POLR3B: variants seen among roughly 807,000 people sequenced by gnomAD.
The protein encoded by POLR3B is DNA-directed RNA polymerase III subunit RPC2.
Under a neutral mutation model 147.4 loss-of-function variants are expected in POLR3B, and 96 were observed. That is an observed-to-expected ratio of 0.65 (90% CI 0.55 to 0.77). POLR3B has a LOEUF of 0.77. Ranked by LOEUF, POLR3B falls within the 30% of genes least tolerant of loss-of-function variation. POLR3B has a pLI of 0.00. For synonymous variants in POLR3B, 461 were observed against 485.9 expected, an observed-to-expected ratio of 0.95 and a Z score of 0.67; for missense variants, 1,036 against 1,413.5, an observed-to-expected ratio of 0.73 and a Z score of 4.28.
At chr12:106,444,105 G>A (rs1190621046) in intron 18 of POLR3B, among the ~76,000 whole-genome samples, 1 of 152,200 alleles carries the variant, frequency 6.6e-6, no homozygotes, top group African/African-American at 2.4e-5. Context: ...ACAGGCATGA[G>A]CCACTGTACT....
chr12:106,372,414 T>G (rs1234920228), intron 6 of POLR3B, among the ~76,000 whole-genome samples: 2 of 149,958 alleles, frequency 1.3e-5, no homozygotes, highest in East Asian at 2.0e-4. Context: ...CTCAGCTCAC[T>G]GCAACCTCCG....
intron 1 of POLR3B, among the ~76,000 whole-genome samples, chr12:106,360,894 A>G (rs2036461324): frequency 6.6e-6 from 1 of 152,246 alleles, no homozygotes; most frequent in African/African-American, 2.4e-5. Flanking sequence ...CTGTGATACA[A>G]GTAGGCGAGG....
chr12:106,408,720 G>T (rs924485185), intron 11 of POLR3B, among the ~76,000 whole-genome samples: 1 of 152,120 alleles, frequency 6.6e-6, no homozygotes, highest in Non-Finnish European at 1.5e-5. Context: ...CCACAGGTTA[G>T]TATCCCACAA....
intron 23 of POLR3B, among the ~76,000 whole-genome samples, chr12:106,466,813 A>C (rs547451300): frequency 2.0e-5 from 3 of 151,918 alleles, no homozygotes; most frequent in Non-Finnish European, 4.4e-5. Flanking sequence ...TGGTCTATAT[A>C]TCTGTTTTGG....
In POLR3B at chr12:106,509,645, T is replaced by A; in HGVS notation, c.*96T>A. ...GACTACGTCTCCTCCTGTGAAGAAT[T>A]CCCTTGCGTATTCTCTCTCTAAAAC... is the stretch of plus-strand genomic sequence containing the variant. On this transcript the variant is annotated 3_prime_UTR_variant, in exon 28 of 28. Coordinates refer to ENST00000228347, the MANE Select transcript of POLR3B (RefSeq NM_018082.6). 8.9e-7 allele frequency: 1 copy of A among 1,129,552 alleles called. No individual in the cohort carries two copies. The highest frequency in any genetic ancestry group is 1.3e-6 in the Non-Finnish European group (1 of 765,250). The allele number at this position is 1,129,552 out of a possible 1,614,324, so 70.0% of individuals were successfully genotyped here. A position where few individuals can be genotyped will look rare whatever the true frequency, so the allele number is the denominator to read the frequency against.
chr12:106,366,404 AT>A, intron 2 of POLR3B, 111 bp from the exon 3 acceptor site: 1 of 719,564 alleles, frequency 1.4e-6, no homozygotes, highest in Non-Finnish European at 2.5e-6. Flanking sequence ...TTTGATAAAA[AT>A]TTGATGTTCA....
Position 106,457,663 on chromosome 12 carries a change from C to T in POLR3B, c.2452+367C>T, listed in dbSNP as rs115598453. The stretch of plus-strand genomic sequence containing the variant: ...TTTATCCCCCTGCAAAGGTATGACT[C>T]CATTATAATTACAAACTTGTAATGC... On this transcript the variant is annotated intron_variant, in intron 21 of 27. Transcript: ENST00000228347. Among the ~76,000 whole-genome samples the T allele has an allele frequency of 2.8e-3, 430 of 152,306 alleles. 4 individuals carry two copies. The highest frequency in any genetic ancestry group is 9.8e-3 in the African/African-American group (406 of 41,562).
At chr12:106,461,862 G>A (rs1457528970) in intron 22 of POLR3B, among the ~76,000 whole-genome samples, 1 of 152,034 alleles carries the variant, frequency 6.6e-6, no homozygotes, top group Non-Finnish European at 1.5e-5. Context: ...AACCTCATCT[G>A]GACAAGCTCC....
intron 20 of POLR3B, among the ~76,000 whole-genome samples, chr12:106,456,803 A>G (rs925329570): frequency 6.6e-6 from 1 of 152,070 alleles, no homozygotes; most frequent in African/African-American, 2.4e-5. Context: ...TCCAATTCTA[A>G]TATTCTATGG....
intron 11 of POLR3B, among the ~76,000 whole-genome samples, chr12:106,408,903 G>T (rs552922405): frequency 6.6e-6 from 1 of 152,184 alleles, no homozygotes; most frequent in Non-Finnish European, 1.5e-5. Context: ...TCATTAAAAA[G>T]GGGAGTGAAA....
intron 15 of POLR3B, among the ~76,000 whole-genome samples, chr12:106,433,323 C>T (rs2037534042): frequency 6.6e-6 from 1 of 152,164 alleles, no homozygotes; most frequent in Non-Finnish European, 1.5e-5. Context: ...CAACAAGAAG[C>T]AGTTTAATAA....
At chr12:106,493,635 GTTAA>G (rs2137071083) in intron 23 of POLR3B, among the ~76,000 whole-genome samples, 1 of 152,354 alleles carries the variant, frequency 6.6e-6, no homozygotes, top group Non-Finnish European at 1.5e-5. Context: ...ACCAGAATAA[GTTAA>G]TTATTTACTT....
chr12:106,503,942 C>G (rs900410039), intron 26 of POLR3B, 139 bp from the exon 27 acceptor site: 1 of 775,620 alleles, frequency 1.3e-6, no homozygotes, highest in Non-Finnish European at 2.3e-6. Context: ...AGCAGCGTGT[C>G]CAAGGTCCCT....
chr12:106,420,243 C>T (rs2037357201), intron 12 of POLR3B, among the ~76,000 whole-genome samples: 1 of 152,082 alleles, frequency 6.6e-6, no homozygotes, highest in South Asian at 2.1e-4. Context: ...GGCCACACCT[C>T]TCAATGTTTG....
intron 23 of POLR3B, among the ~76,000 whole-genome samples, chr12:106,469,456 G>A (rs2038056879): frequency 6.6e-6 from 1 of 152,110 alleles, no homozygotes; most frequent in South Asian, 2.1e-4. Flanking sequence ...TACATTTAAG[G>A]TTAATATTGT....
At chr12:106,468,536 G>A (rs1019719104) in intron 23 of POLR3B, among the ~76,000 whole-genome samples, 13 of 152,186 alleles carry the variant, frequency 8.5e-5, no homozygotes, top group African/African-American at 3.1e-4. Flanking sequence ...TGTGATGTTA[G>A]GGTGTCGATT....
chr12:106,425,436 G>A (rs566216623), intron 12 of POLR3B, among the ~76,000 whole-genome samples: 1 of 152,172 alleles, frequency 6.6e-6, no homozygotes, highest in Non-Finnish European at 1.5e-5. Context: ...GAGCCTGGGG[G>A]ATTAGGGACA....
chr12:106,440,545 C>T (rs2037636564), intron 18 of POLR3B, among the ~76,000 whole-genome samples: 1 of 152,176 alleles, frequency 6.6e-6, no homozygotes, highest in Non-Finnish European at 1.5e-5. Context: ...TCCAGGCGTG[C>T]CTCTGCCTTA....
chr12:106,385,676 G>C (rs1370231637), intron 9 of POLR3B, among the ~76,000 whole-genome samples: 1 of 152,218 alleles, frequency 6.6e-6, no homozygotes. Flanking sequence ...TTTAGGGAGA[G>C]AGTATTGGTA....
Sources: gnomAD v4.1 joint callset for allele counts (sites outside exome capture counted in the v4.1 genomes callset) on GRCh38, gnomAD v4.1.1 for gene constraint, MANE v1.5 for transcripts, NCBI Gene and HGNC (gene_info 2026-07-23, HGNC 2026-07-21) for gene names.